IRF9: variants seen among roughly 807,000 people sequenced by gnomAD.
The protein encoded by IRF9 is interferon regulatory factor 9.
In IRF9, 13 loss-of-function variants were observed where a neutral mutation model predicts 44.1. The ratio of observed to expected loss-of-function variants is 0.29; its 90% CI spans 0.19 to 0.47. IRF9 has a LOEUF of 0.47. IRF9 is among the 20% of genes least tolerant of loss of function. The pLI is 1.00. For missense variants in IRF9, 373 were observed against 496.1 expected (o/e 0.75, Z 2.36); for synonymous variants, 189 against 188.5 (o/e 1.00, Z -0.02).
In IRF9 at chr14:24,166,522, GATAT is replaced by G. The variant is rs1239802421; in HGVS notation, c.*327_*330del. On this transcript the variant is annotated 3_prime_UTR_variant, in exon 9 of 9. Coordinates refer to ENST00000396864, the MANE Select transcript of IRF9 (RefSeq NM_006084.5). ...CCAAGCACTTTATATTTTCCTCTTAGATATTCACTAAGGACTTAAAATAAAATTT... is the reference window on the plus strand; with the variant it reads ...CCAAGCACTTTATATTTTCCTCTTAGTCACTAAGGACTTAAAATAAAATTT... 3 of 434,810 alleles carry G rather than the reference GATAT, an allele frequency of 6.9e-6. No homozygotes were observed. Among genetic ancestry groups the G allele is most frequent in the African/African-American group, 6.1e-5 (3 of 49,096 alleles). The allele number at this position is 434,810 out of a possible 1,614,324, so 26.9% of individuals were successfully genotyped here. A position where few individuals can be genotyped will look rare whatever the true frequency, so the allele number is the denominator to read the frequency against.
intron 2 of IRF9, 197 bp downstream of exon 2, chr14:24,162,521 GCCAGGCA>G: frequency 1.7e-6 from 1 of 579,152 alleles, no homozygotes; most frequent in Non-Finnish European, 2.9e-6. Flanking sequence ...AGGGATATTG[GCCAGGCA>G]CGGTGGCTCA....
chr14:24,164,484 A>G lies in IRF9; in HGVS notation c.650-130A>G. 1 of 868,376 alleles carries G rather than the reference A, an allele frequency of 1.2e-6. No homozygotes were observed. The highest frequency in any genetic ancestry group is 2.4e-5 in the Admixed American group (1 of 41,916). 53.8% of individuals were successfully genotyped at this position (868,376 alleles called of 1,614,324 possible). On this transcript the variant is annotated intron_variant, in intron 6 of 8. Transcript: ENST00000396864. This position sits in a 1 kb window ranked among gnomAD's most constrained non-coding sequence, Gnocchi z 5.2. ...GAATCACATACTAGCTACTTGCCTC[A>G]GTGATAGGAAAACCTGAGAGGAAGC...
At chr14:24,162,375 A>C in intron 2 of IRF9, 51 bp downstream of exon 2, 1 of 1,532,308 alleles carries the variant, frequency 6.5e-7, no homozygotes, top group Non-Finnish European at 8.9e-7. Context: ...TGGTGTATAC[A>C]CACTGGTACA....
intron 4 of IRF9, 124 bp from the exon 5 acceptor site, chr14:24,163,754 C>G: frequency 9.4e-7 from 1 of 1,061,118 alleles, no homozygotes; most frequent in Non-Finnish European, 1.4e-6. Flanking sequence ...AGGAGAATCG[C>G]TTGAACCGGG....
Position 24,163,003 on chromosome 14 carries a change from A to G in IRF9, c.218A>G (p.Asp73Gly). The G allele has an allele frequency of 6.2e-7, 1 of 1,613,870 alleles. No homozygotes were observed. Among genetic ancestry groups the G allele is most frequent in the East Asian group, 2.2e-5 (1 of 44,874 alleles). Reference protein sequence around the residue: ...AIFKGKYKEGDTGGPAVWKTR... With the variant: ...AIFKGKYKEGGTGGPAVWKTR... ...TTTAAGGGAAAGTATAAGGAGGGGG[A>G]CACAGGAGGTCCAGCTGTCTGGAAG... The change falls in exon 3 of 9, where the codon GAC (aspartate) becomes GGC (glycine). Residue 73 changes from aspartate (D) to glycine (G), a missense_variant. By Grantham distance (94) the Asp-to-Gly change is moderately conservative. Around this residue, in one of 2 missense-constraint regions of IRF9, gnomAD observed 227 missense variants for 255.3 expected, o/e 0.89. Transcript: ENST00000396864.
intron 2 of IRF9, 45 bp from the exon 3 acceptor site, chr14:24,162,921 G>A (rs1470443915): frequency 6.5e-7 from 1 of 1,543,796 alleles, no homozygotes; most frequent in Admixed American, 1.8e-5. Flanking sequence ...GGGGCAGGTG[G>A]AGCCTGTAAC....
intron 7 of IRF9, chr14:24,165,594 C>T (rs2038512661): frequency 1.8e-6 from 1 of 554,358 alleles, no homozygotes; most frequent in Admixed American, 3.2e-5. Flanking sequence ...GGACTCTAAA[C>T]TCTCCCAGCA....
chr14:24,164,489 T>C lies in IRF9; in HGVS notation c.650-125T>C, dbSNP rs2038498160. On this transcript the variant is annotated intron_variant, in intron 6 of 8. Transcript: ENST00000396864. This position sits in a 1 kb window ranked among gnomAD's most constrained non-coding sequence, Gnocchi z 5.2. ...ACATACTAGCTACTTGCCTCAGTGA[T>C]AGGAAAACCTGAGAGGAAGCCCCCT... The C allele has an allele frequency of 6.5e-6, 6 of 925,334 alleles. 1 individual carries two copies. The highest frequency in any genetic ancestry group is 4.9e-5 in the South Asian group (3 of 61,848). 57.3% of individuals were successfully genotyped at this position (925,334 alleles called of 1,614,324 possible). A position where few individuals can be genotyped will look rare whatever the true frequency, so the allele number is the denominator to read the frequency against.
intron 2 of IRF9, chr14:24,162,537 C>T (rs910240868): frequency 7.4e-6 from 4 of 539,398 alleles, no homozygotes; most frequent in East Asian, 6.8e-5. Context: ...CACGGTGGCT[C>T]ACGCCTGTAA....
rs1566619593 is a variant in IRF9 at position 24,162,344 on chromosome 14, ACTGTT to A, written c.180+22_180+26del. 6.2e-7 allele frequency: 1 copy of A among 1,609,460 alleles called. No homozygotes were observed. Among genetic ancestry groups the A allele is most frequent in the South Asian group, 1.1e-5 (1 of 90,504 alleles). Reference sequence around the variant, plus strand: ...TTCAAGGTGAAAGGGCCTGGAAACCACTGTTCCTCTGTGTGTGGGATGGTGTATAC... The same window carrying A: ...TTCAAGGTGAAAGGGCCTGGAAACCACCTCTGTGTGTGGGATGGTGTATAC... On this transcript the variant is annotated intron_variant, in intron 2 of 8. Transcript: ENST00000396864.
chr14:24,161,290 G>C lies in IRF9; in HGVS notation c.-50G>C, dbSNP rs1435409083. The C allele has an allele frequency of 6.6e-6, 1 of 152,370 alleles. No individual in the cohort carries two copies. The highest frequency in any genetic ancestry group is 1.5e-5 in the Non-Finnish European group (1 of 68,142). 9.4% of individuals were successfully genotyped at this position (152,370 alleles called of 1,614,324 possible). Reference sequence around the variant, plus strand: ...GGAGAGATCAGCCGCCCAGCCAGGAGTTAAGCTGAGGTCGTCTGAGCCCTG... The same window carrying C: ...GGAGAGATCAGCCGCCCAGCCAGGACTTAAGCTGAGGTCGTCTGAGCCCTG... On this transcript the variant is annotated 5_prime_UTR_variant, in exon 1 of 9. Coordinates refer to ENST00000396864, the MANE Select transcript of IRF9 (RefSeq NM_006084.5).
In IRF9 at chr14:24,164,819, C is replaced by T. The variant is rs1187420257; in HGVS notation, c.855C>T (p.Pro285=). 6.2e-7 allele frequency: 1 copy of T among 1,609,902 alleles called. No homozygotes were observed. The highest frequency in any genetic ancestry group is 1.3e-5 in the African/African-American group (1 of 75,052). Reference sequence around the variant, plus strand: ...GGGGCATCCTAGTGGCCAGCAACCCCCGAGGCCTCTTCGTGCAGCGCCTTT... The same window carrying T: ...GGGGCATCCTAGTGGCCAGCAACCCTCGAGGCCTCTTCGTGCAGCGCCTTT... ...LERGILVASN[P]RGLFVQRLCP... The change falls in exon 7 of 9, where the codon CCC becomes CCT. Residue 285 remains proline (P), a synonymous_variant. Coordinates refer to ENST00000396864, the MANE Select transcript of IRF9 (RefSeq NM_006084.5). The surrounding 1 kb of genome is among the most constrained non-coding windows in gnomAD (Gnocchi z 5.2).
rs184864410 is a variant in IRF9, at chr14:24,163,991, C to T, written c.577+32C>T. 6,045 of 1,609,952 alleles carry T rather than the reference C, an allele frequency of 3.8e-3. 29 individuals are homozygous for T. Among genetic ancestry groups the T allele is most frequent in the Non-Finnish European group, 4.6e-3 (5,464 of 1,177,684 alleles). ...CCTGCCCTGCCTCTTGTGTCGTCCC[C>T]CATGCCACACCCTCTGGCCCAAGAC... is the stretch of plus-strand genomic sequence containing the variant. On this transcript the variant is annotated intron_variant, in intron 5 of 8. Coordinates refer to ENST00000396864, the MANE Select transcript of IRF9 (RefSeq NM_006084.5).
rs376574898 is a variant in IRF9 at position 24,164,181 on chromosome 14, C to G, written c.649+47C>G. On this transcript the variant is annotated intron_variant, in intron 6 of 8. Transcript: ENST00000396864. This position sits in a 1 kb window ranked among gnomAD's most constrained non-coding sequence, Gnocchi z 5.2. ...CTCCTGTGCCCTGTGCCCCTGAGGT[C>G]TTCCACCTTTGACTATGCATGCATT... The G allele has an allele frequency of 1.7e-3, 2,650 of 1,514,684 alleles. 4 individuals are homozygous for G. The highest frequency in any genetic ancestry group is 2.3e-3 in the Non-Finnish European group (2,460 of 1,089,818). The allele number at this position is 1,514,684 out of a possible 1,614,324, so 93.8% of individuals were successfully genotyped here. A position where few individuals can be genotyped will look rare whatever the true frequency, so the allele number is the denominator to read the frequency against.
chr14:24,163,854 A>G (rs1219504118), intron 4 of IRF9, 24 bp from the exon 5 acceptor site: 2 of 1,582,702 alleles, frequency 1.3e-6, no homozygotes, highest in Admixed American at 4.1e-5. Flanking sequence ...AGAGAAAAAA[A>G]ATAAAAAGAC....
intron 4 of IRF9, 109 bp downstream of exon 4, chr14:24,163,617 A>G (rs1215156751): frequency 2.3e-6 from 3 of 1,325,914 alleles, no homozygotes; most frequent in Non-Finnish European, 2.1e-6. Context: ...CTGGCAGATC[A>G]CGTGAGGTCA....
chr14:24,163,264 C>T, intron 3 of IRF9, 114 bp from the exon 4 acceptor site: 1 of 1,539,484 alleles, frequency 6.5e-7, no homozygotes, highest in Non-Finnish European at 8.8e-7. Context: ...TGGGGGGCTG[C>T]AACCCAGGTT....
chr14:24,163,240 C>T, intron 3 of IRF9, 91 bp downstream of exon 3: 1 of 1,550,694 alleles, frequency 6.4e-7, no homozygotes, highest in Non-Finnish European at 8.8e-7. Context: ...ATAGCTCTGC[C>T]CTGTCCATGC....
rs758465581 is a variant in IRF9, at chr14:24,165,930, A to C, written c.1075A>C (p.Ser359Arg). 1.2e-6 allele frequency: 2 copies of C among 1,614,174 alleles called. No homozygotes were observed. The highest frequency in any genetic ancestry group is 2.2e-5 in the South Asian group (2 of 91,088). The change falls in exon 8 of 9, where the codon AGC becomes CGC. Residue 359 changes from serine to arginine, a missense_variant. Physicochemically the swap from Ser to Arg is moderately radical, Grantham distance 110. Around this residue, in one of 2 missense-constraint regions of IRF9, gnomAD observed 146 missense variants for 240.8 expected, o/e 0.61. Transcript: ENST00000396864. ...TTTCTGGGAAGAGAGCCATGGCTCCAGCCATACTCCACAGAATCTTATCAC... is the reference window on the plus strand; with the variant it reads ...TTTCTGGGAAGAGAGCCATGGCTCCCGCCATACTCCACAGAATCTTATCAC... ...LNFWEESHGS[S>R]HTPQNLITVK...
Sources: gnomAD v4.1 joint callset for allele counts on GRCh38, gnomAD v4.1.1 for gene constraint, gnomAD v4.1.1 regional missense constraint, Gnocchi (gnomAD v3.1) non-coding constraint, MANE v1.5 for transcripts, NCBI Gene and HGNC (gene_info 2026-07-23, HGNC 2026-07-21) for gene names.